ARHGAP28: variants seen among roughly 807,000 people sequenced by gnomAD.
ARHGAP28 encodes rho GTPase-activating protein 28.
Under a neutral mutation model 90.7 loss-of-function variants are expected in ARHGAP28, and 56 were observed. That is an observed-to-expected ratio of 0.62 (90% confidence interval 0.50 to 0.77). ARHGAP28 has a LOEUF of 0.77. Among genes scored for constraint, ARHGAP28 ranks in the 30% least tolerant of loss-of-function variants. The pLI is 0.00. For missense variants in ARHGAP28, 869 were observed against 900.9 expected, an observed-to-expected ratio of 0.96 and a Z score of 0.45; for synonymous variants, 308 against 323.3, an observed-to-expected ratio of 0.95 and a Z score of 0.51.
intron 4 of ARHGAP28, among the ~76,000 whole-genome samples, chr18:6,857,458 G>A (rs999716352): frequency 1.1e-4 from 16 of 152,236 alleles, no homozygotes; most frequent in African/African-American, 3.4e-4. Context: ...CTTTTGGAAT[G>A]TGTGGCAATC....
At chr18:6,764,727 A>G (rs890687405) in intron 1 of ARHGAP28, among the ~76,000 whole-genome samples, 1 of 152,218 alleles carries the variant, frequency 6.6e-6, no homozygotes, top group Non-Finnish European at 1.5e-5. Flanking sequence ...TTGTAAGGTT[A>G]TTCTGCATCT....
intron 4 of ARHGAP28, among the ~76,000 whole-genome samples, chr18:6,851,765 A>C (rs970918521): frequency 6.6e-6 from 1 of 152,212 alleles, no homozygotes; most frequent in Non-Finnish European, 1.5e-5. Context: ...TGGATCTCAA[A>C]ATAATTATAC....
intron 1 of ARHGAP28, among the ~76,000 whole-genome samples, chr18:6,765,476 C>T (rs35595272): frequency 1.3e-5 from 2 of 151,732 alleles, no homozygotes; most frequent in Non-Finnish European, 2.9e-5. Context: ...TTTAGGTACA[C>T]GGCTCTTTTT....
chr18:6,857,340 T>C (rs550350061), intron 4 of ARHGAP28, among the ~76,000 whole-genome samples: 1 of 152,256 alleles, frequency 6.6e-6, no homozygotes, highest in East Asian at 1.9e-4. Context: ...ACAGAAAAAA[T>C]AACAGACTCC....
At chr18:6,906,274 A>G (rs1242030563) in intron 16 of ARHGAP28, among the ~76,000 whole-genome samples, 2 of 152,190 alleles carry the variant, frequency 1.3e-5, no homozygotes, top group Non-Finnish European at 2.9e-5. Flanking sequence ...AAAGATTTTT[A>G]TTGTAAACTA....
rs2056016548 is a variant in ARHGAP28, at chr18:6,745,606, G to C, written c.122+15663G>C. On this transcript the variant is annotated intron_variant, in intron 1 of 17. Transcript: ENST00000383472. ...GATATATAACATCTCCCTCGCCCCA[G>C]ACATTTTCTTCATGCACTTTGTTCC... Among the ~76,000 whole-genome samples the C allele has an allele frequency of 1.2e-4, 18 of 152,120 alleles. 1 individual carries two copies. Among genetic ancestry groups the C allele is most frequent in the Admixed American group, 1.2e-3 (18 of 15,268 alleles).
chr18:6,759,895 A>T (rs982754404), intron 1 of ARHGAP28, among the ~76,000 whole-genome samples: 1 of 152,218 alleles, frequency 6.6e-6, no homozygotes, highest in Non-Finnish European at 1.5e-5. Context: ...TTAGATAGGT[A>T]TCAGAACCTT....
At chr18:6,861,144 G>A (rs577316010) in intron 5 of ARHGAP28, among the ~76,000 whole-genome samples, 3 of 152,330 alleles carry the variant, frequency 2.0e-5, no homozygotes, top group Non-Finnish European at 2.9e-5. Context: ...CGTGCCCTGA[G>A]GACTTGCCCA....
chr18:6,779,898 G>T (rs1190956730), intron 1 of ARHGAP28, among the ~76,000 whole-genome samples: 1 of 152,174 alleles, frequency 6.6e-6, no homozygotes, highest in East Asian at 1.9e-4. Flanking sequence ...AACTCGAAAT[G>T]TCACTAACTT....
At chr18:6,899,914 A>T (rs956730312) in intron 16 of ARHGAP28, among the ~76,000 whole-genome samples, 3 of 152,052 alleles carry the variant, frequency 2.0e-5, no homozygotes, top group Non-Finnish European at 4.4e-5. Context: ...AAGGGTTAGG[A>T]TGTGGGAACA....
chr18:6,822,991 G>A (rs887151283), intron 1 of ARHGAP28, among the ~76,000 whole-genome samples: 4 of 152,126 alleles, frequency 2.6e-5, no homozygotes, highest in Non-Finnish European at 4.4e-5. Context: ...GTCCTAAGTC[G>A]TCATAAAACC....
intron 1 of ARHGAP28, among the ~76,000 whole-genome samples, chr18:6,803,554 G>C (rs2056497729): frequency 6.6e-6 from 1 of 152,006 alleles, no homozygotes; most frequent in South Asian, 2.1e-4. Context: ...TTCATGTTAT[G>C]TCTGTCTTGT....
intron 16 of ARHGAP28, chr18:6,898,701 A>G: frequency 7.1e-7 from 1 of 1,402,116 alleles, no homozygotes; most frequent in Non-Finnish European, 9.3e-7. Flanking sequence ...AATGTTTCTA[A>G]TAAAAATGTA....
At chr18:6,763,638 G>A (rs191003073) in intron 1 of ARHGAP28, among the ~76,000 whole-genome samples, 6 of 152,240 alleles carry the variant, frequency 3.9e-5, no homozygotes, top group East Asian at 3.9e-4. Context: ...CAAAGCCTAC[G>A]TCTGGAATTT....
In ARHGAP28 at chr18:6,869,253, C is replaced by CTTT. The variant is rs61280250; in HGVS notation, c.811+1041_811+1043dup. Among the ~76,000 whole-genome samples, 427 of 67,496 alleles carry CTTT rather than the reference C, an allele frequency of 6.3e-3. 2 individuals carry two copies. Among genetic ancestry groups the CTTT allele is most frequent in the Middle Eastern group, 0.013 (1 of 78 alleles). 44.3% of individuals were successfully genotyped at this position (67,496 alleles called of 152,430 possible). A position where few individuals can be genotyped will look rare whatever the true frequency, so the allele number is the denominator to read the frequency against. On this transcript the variant is annotated intron_variant, in intron 6 of 17. Coordinates refer to ENST00000383472, the MANE Select transcript of ARHGAP28 (RefSeq NM_001366230.1). ...GCATCATAGCTCTCCTTTTGCCATT[C>CTTT]TTTTTTTTTTTTTTTTTTTTTTTTG...
intron 2 of ARHGAP28, among the ~76,000 whole-genome samples, chr18:6,830,696 A>G (rs796671452): frequency 3.9e-4 from 59 of 152,310 alleles, no homozygotes; most frequent in African/African-American, 1.4e-3. Flanking sequence ...CTCAATTTAC[A>G]TCTTAATTGT....
At chr18:6,870,217 C>T (rs1269733831) in intron 6 of ARHGAP28, among the ~76,000 whole-genome samples, 1 of 152,186 alleles carries the variant, frequency 6.6e-6, no homozygotes, top group Non-Finnish European at 1.5e-5. Flanking sequence ...CTTCTGCTTA[C>T]CCGTAACAGT....
chr18:6,896,415 C>T (rs2057304931), intron 15 of ARHGAP28, 87 bp from the exon 16 acceptor site: 2 of 1,462,532 alleles, frequency 1.4e-6, no homozygotes. Flanking sequence ...TTCAGAGTAG[C>T]ACTGATTTTC....
chr18:6,783,617 A>G (rs1405373956), intron 1 of ARHGAP28, among the ~76,000 whole-genome samples: 1 of 151,952 alleles, frequency 6.6e-6, no homozygotes, highest in Non-Finnish European at 1.5e-5. Flanking sequence ...TTTACTTTTA[A>G]CCACAGGACA....
Sources: allele counts gnomAD v4.1 joint callset (sites outside exome capture counted in the v4.1 genomes callset), GRCh38; gene constraint gnomAD v4.1.1; transcripts MANE v1.5; gene names NCBI Gene and HGNC (gene_info 2026-07-23, HGNC 2026-07-21).